PADI4: variants seen among roughly 807,000 people sequenced by gnomAD.
PADI4 encodes protein-arginine deiminase type-4.
A neutral mutation model predicts 75.0 loss-of-function variants in PADI4; 62 were observed. The ratio of observed to expected loss-of-function variants is 0.83; its 90% CI spans 0.67 to 1.02. PADI4 has a LOEUF of 1.02. Among genes scored for constraint, PADI4 ranks in the 50% least tolerant of loss-of-function variants. The pLI is 0.00. For missense variants in PADI4, 845 were observed against 850.5 expected, an observed-to-expected ratio of 0.99 and a Z score of 0.08; for synonymous variants, 361 against 348.1, an observed-to-expected ratio of 1.04 and a Z score of -0.41.
chr1:17,358,972 C>T, intron 14 of PADI4, 64 bp downstream of exon 14: 1 of 1,121,144 alleles, frequency 8.9e-7, no homozygotes, highest in Non-Finnish European at 1.3e-6. Context: ...AGCCACTTTC[C>T]CAGTGATTAG....
chr1:17,309,061 G>A (rs1569960865), intron 1 of PADI4, among the ~76,000 whole-genome samples: 1 of 151,890 alleles, frequency 6.6e-6, no homozygotes, highest in East Asian at 1.9e-4. Context: ...ATGCTCTCGG[G>A]GAGTGTGCAG....
At chr1:17,343,418 C>A (rs936212171) in intron 8 of PADI4, among the ~76,000 whole-genome samples, 1 of 151,986 alleles carries the variant, frequency 6.6e-6, no homozygotes, top group African/African-American at 2.4e-5. Context: ...GCTTCAGGGG[C>A]AGAAGAGTAA....
intron 3 of PADI4, chr1:17,334,603 C>A (rs1464766812): frequency 2.2e-6 from 1 of 456,262 alleles, no homozygotes; most frequent in Non-Finnish European, 4.4e-6. Flanking sequence ...GCGCCAGGCC[C>A]TCTATTCCTT....
chr1:17,354,748 G>A (rs952677410), intron 11 of PADI4, 61 bp downstream of exon 11: 1 of 1,476,782 alleles, frequency 6.8e-7, no homozygotes, highest in African/African-American at 1.4e-5. Flanking sequence ...GAAAAGCAGA[G>A]GCCAGAGTGG....
intron 8 of PADI4, among the ~76,000 whole-genome samples, chr1:17,343,254 G>A (rs975946956): frequency 3.0e-4 from 45 of 152,088 alleles, no homozygotes; most frequent in Non-Finnish European, 8.8e-5. Flanking sequence ...TAAATAAAAT[G>A]CACCTTTCTG....
chr1:17,340,698 G>A (rs1361267442), intron 6 of PADI4, among the ~76,000 whole-genome samples: 1 of 151,810 alleles, frequency 6.6e-6, no homozygotes. Context: ...CTTCTGGATG[G>A]AAGGAGATGG....
intron 1 of PADI4, among the ~76,000 whole-genome samples, chr1:17,310,797 C>A (rs539370719): frequency 6.6e-6 from 1 of 152,110 alleles, no homozygotes; most frequent in Non-Finnish European, 1.5e-5. Context: ...CCCGTCTCTA[C>A]TAAAAATACA....
rs1468865447 is a variant in PADI4 at position 17,356,619 on chromosome 1, G to A, written c.1558+160G>A. ...CTAGGGAGACTGCATGAACAGGGCA[G>A]AACAGCTTGCTGCCCTGTGGGCTCA... On this transcript the variant is annotated intron_variant, in intron 13 of 15. Coordinates refer to ENST00000375448, the MANE Select transcript of PADI4 (RefSeq NM_012387.3). This position sits in a 1 kb window ranked among gnomAD's most constrained non-coding sequence, Gnocchi z 4.1. 6.6e-6 allele frequency among the ~76,000 whole-genome samples: 1 copy of A among 152,248 alleles called. No homozygotes were observed.
At chr1:17,339,888 GA>G (rs2074384667) in intron 6 of PADI4, 75 bp downstream of exon 6, 1 of 1,479,482 alleles carries the variant, frequency 6.8e-7, no homozygotes, top group Non-Finnish European at 9.2e-7. Context: ...CTGTGTGGCA[GA>G]TAAATCCTGA....
chr1:17,326,732 C>G (rs1008016418), intron 1 of PADI4, among the ~76,000 whole-genome samples: 1 of 152,008 alleles, frequency 6.6e-6, no homozygotes, highest in Admixed American at 6.6e-5. Flanking sequence ...CTATATATAT[C>G]GACTAAATCA....
chr1:17,359,478 GCA>G, intron 15 of PADI4, 70 bp downstream of exon 15: 1 of 1,601,518 alleles, frequency 6.2e-7, no homozygotes, highest in South Asian at 1.1e-5. Context: ...GGCCAGTGGG[GCA>G]CCCGGGCGGT....
chr1:17,363,339 T>G (rs1461058479), intron 15 of PADI4, among the ~76,000 whole-genome samples, 183 bp from the exon 16 acceptor site: 1 of 151,082 alleles, frequency 6.6e-6, no homozygotes, highest in Non-Finnish European at 1.5e-5. Flanking sequence ...CCCAGGCTGG[T>G]CTCAAACTCT....
intron 1 of PADI4, among the ~76,000 whole-genome samples, chr1:17,329,057 TA>T (rs143624111): frequency 0.14 from 20,992 of 147,940 alleles, 1,993 homozygotes; most frequent in Non-Finnish European, 0.21. Flanking sequence ...AATTTATTAA[TA>T]AAATATTAAT....
chr1:17,330,393 T>C (rs1291957496), intron 1 of PADI4, among the ~76,000 whole-genome samples: 1 of 151,952 alleles, frequency 6.6e-6, no homozygotes, highest in Non-Finnish European at 1.5e-5. Flanking sequence ...GAGAGTTTAT[T>C]AGGGAGAACT....
chr1:17,327,688 C>T (rs965026268), intron 1 of PADI4, among the ~76,000 whole-genome samples: 45 of 151,876 alleles, frequency 3.0e-4, no homozygotes, highest in African/African-American at 7.7e-4. Context: ...ATTACAGGCA[C>T]GTACAACCAT....
At chr1:17,344,893 C>T (rs2074488007) in intron 8 of PADI4, among the ~76,000 whole-genome samples, 1 of 152,232 alleles carries the variant, frequency 6.6e-6, no homozygotes, top group Non-Finnish European at 1.5e-5. Flanking sequence ...CACACAGAGT[C>T]CCTACTGGGA....
At position 17,356,529 on chromosome 1, in the gene PADI4, G is replaced by A. The variant is rs1444162279; in HGVS notation, c.1558+70G>A. 4 of 927,560 alleles carry A rather than the reference G, an allele frequency of 4.3e-6. No individual in the cohort carries two copies. The highest frequency in any genetic ancestry group is 6.9e-6 in the Non-Finnish European group (4 of 581,166). The allele number at this position is 927,560 out of a possible 1,614,324, so 57.5% of individuals were successfully genotyped here. ...TTCCCATAGTCCGCTGTTGCCTGGA[G>A]GGAATCATCCAGGCAATAGGGTAGC... On this transcript the variant is annotated intron_variant, in intron 13 of 15. Transcript: ENST00000375448. This position sits in a 1 kb window ranked among gnomAD's most constrained non-coding sequence, Gnocchi z 4.1.
intron 10 of PADI4, among the ~76,000 whole-genome samples, chr1:17,351,932 GT>G (rs1557575885): frequency 1.2e-4 from 17 of 145,208 alleles, no homozygotes; most frequent in East Asian, 5.9e-4. Context: ...AGGAGAGGCG[GT>G]CAGGGAGGTG....
chr1:17,308,244 C>T lies in PADI4; in HGVS notation c.22C>T (p.Arg8Cys), dbSNP rs572732935. 6.2e-6 allele frequency: 10 copies of T among 1,614,014 alleles called. No homozygotes were observed. Among genetic ancestry groups the T allele is most frequent in the Middle Eastern group, 1.6e-4 (1 of 6,062 alleles). The change falls in exon 1 of 16, where the codon CGT (arginine) becomes TGT (cysteine). Residue 8 changes from arginine (R) to cysteine (C), a missense_variant. Arg to Cys is a radical substitution (Grantham distance 180). Coordinates refer to ENST00000375448, the MANE Select transcript of PADI4 (RefSeq NM_012387.3). Reference protein sequence around the residue: MAQGTLIRVTPEQPTHAV... With the variant: MAQGTLICVTPEQPTHAV... ...GACGATGGCCCAGGGGACATTGATCCGTGTGACCCCAGAGCAGCCCACCCA... is the reference window on the plus strand; with the variant it reads ...GACGATGGCCCAGGGGACATTGATCTGTGTGACCCCAGAGCAGCCCACCCA...
Sources: gnomAD v4.1 joint callset for allele counts (sites outside exome capture counted in the v4.1 genomes callset) on GRCh38, gnomAD v4.1.1 for gene constraint, Gnocchi (gnomAD v3.1) non-coding constraint, MANE v1.5 for transcripts, NCBI Gene and HGNC (gene_info 2026-07-23, HGNC 2026-07-21) for gene names.